CTNNA2: variants seen among roughly 807,000 people sequenced by gnomAD.
The protein encoded by CTNNA2 is catenin alpha-2.
A neutral mutation model predicts 101.0 loss-of-function variants in CTNNA2; 42 were observed. That is an observed-to-expected ratio of 0.42 (90% CI 0.32 to 0.54). CTNNA2 has a LOEUF of 0.54. Among genes scored for constraint, CTNNA2 ranks in the 20% least tolerant of loss-of-function variants. CTNNA2 has a pLI of 0.14. For synonymous variants in CTNNA2, 450 were observed against 456.4 expected (o/e 0.99, Z 0.18); for missense variants, 871 against 1,223.1 (o/e 0.71, Z 4.29).
At chr2:79,835,666 G>GTTTTTTGTTTTTTTTT (rs1679276639) in intron 3 of CTNNA2, among the ~76,000 whole-genome samples, 8 of 58,634 alleles carry the variant, frequency 1.4e-4, no homozygotes, top group African/African-American at 5.8e-4. Flanking sequence ...GCCTCTCTTT[G>GTTTTTTGTTTTTTTTT]TTTTTTTTTT....
rs1692786892 is a variant in CTNNA2 at position 80,553,763 on chromosome 2, A to G, written c.1541-1930A>G. ...CATTTTAATTGTCTTAAGAAATTCTACAGGACAGAAAGAGAAGCTTCTTTT... is the reference window on the plus strand; with the variant it reads ...CATTTTAATTGTCTTAAGAAATTCTGCAGGACAGAAAGAGAAGCTTCTTTT... On this transcript the variant is annotated intron_variant, in intron 11 of 18. Transcript: ENST00000402739. Among the ~76,000 whole-genome samples, 3 of 152,294 alleles carry G rather than the reference A, an allele frequency of 2.0e-5. No homozygotes were observed. In the South Asian group the frequency reaches 6.2e-4, roughly 32 times the overall value.
chr2:80,081,429 A>C (rs17018594), intron 7 of CTNNA2, among the ~76,000 whole-genome samples: 1 of 151,906 alleles, frequency 6.6e-6, no homozygotes, highest in East Asian at 1.9e-4. Context: ...AATAAGTGGC[A>C]ATCTATAAAC....
At chr2:80,625,087 A>G (rs1328550272) in intron 18 of CTNNA2, among the ~76,000 whole-genome samples, 2 of 151,996 alleles carry the variant, frequency 1.3e-5, no homozygotes, top group Non-Finnish European at 2.9e-5. Context: ...ATTGTTACAG[A>G]TCTGAAGAAT....
intron 9 of CTNNA2, among the ~76,000 whole-genome samples, chr2:80,451,863 T>C (rs2149457608): frequency 6.6e-6 from 1 of 152,134 alleles, no homozygotes; most frequent in African/African-American, 2.4e-5. Context: ...CAACATTTAT[T>C]TTTTATCGGA....
intron 7 of CTNNA2, among the ~76,000 whole-genome samples, chr2:80,177,699 G>A (rs191013662): frequency 2.6e-5 from 4 of 152,246 alleles, no homozygotes; most frequent in East Asian, 1.9e-4. Context: ...TGGTGAACAC[G>A]CACATGAGAT....
At chr2:79,193,443 G>A (rs1673901291) in intron 1 of CTNNA2, among the ~76,000 whole-genome samples, 1 of 152,112 alleles carries the variant, frequency 6.6e-6, no homozygotes, top group Non-Finnish European at 1.5e-5. Context: ...ATACTATACA[G>A]GTACGTACCC....
intron 1 of CTNNA2, among the ~76,000 whole-genome samples, chr2:79,571,566 C>T (rs1441197942): frequency 6.6e-6 from 1 of 152,054 alleles, no homozygotes; most frequent in Non-Finnish European, 1.5e-5. Context: ...CCTAACTGAT[C>T]TTTCTTCTCC....
intron 4 of CTNNA2, among the ~76,000 whole-genome samples, chr2:79,500,105 C>G (rs1311487691): frequency 6.6e-6 from 1 of 152,182 alleles, no homozygotes; most frequent in East Asian, 1.9e-4. Flanking sequence ...AAATATCTTT[C>G]ATGTTGACAC....
chr2:79,972,968 A>G (rs1057379383), intron 7 of CTNNA2, among the ~76,000 whole-genome samples: 2 of 152,208 alleles, frequency 1.3e-5, no homozygotes, highest in Admixed American at 6.5e-5. Context: ...TGTCAAAACC[A>G]TATGAACTCA....
chr2:79,645,575 C>T (rs1431296943), intron 1 of CTNNA2, among the ~76,000 whole-genome samples: 3 of 152,162 alleles, frequency 2.0e-5, no homozygotes, highest in Non-Finnish European at 1.5e-5. Context: ...TTCACCTTAT[C>T]TCATCTCTCT....
intron 8 of CTNNA2, among the ~76,000 whole-genome samples, chr2:80,394,349 C>A (rs1677803977): frequency 1.3e-5 from 2 of 152,160 alleles, no homozygotes; most frequent in Non-Finnish European, 2.9e-5. Flanking sequence ...CAAGACATCA[C>A]CTGAAGGTGT....
intron 3 of CTNNA2, among the ~76,000 whole-genome samples, chr2:79,834,508 G>T: frequency 6.6e-6 from 1 of 151,954 alleles, no homozygotes; most frequent in Non-Finnish European, 1.5e-5. Flanking sequence ...TTCTTCAGTT[G>T]GTATGCTTTT....
At chr2:80,035,005 G>C (rs114597965) in intron 7 of CTNNA2, among the ~76,000 whole-genome samples, 1 of 152,140 alleles carries the variant, frequency 6.6e-6, no homozygotes, top group African/African-American at 2.4e-5. Context: ...TTTAAAAATA[G>C]CAAAAGGTTA....
chr2:79,187,137 C>G (rs1025804165), intron 1 of CTNNA2, among the ~76,000 whole-genome samples: 1 of 151,982 alleles, frequency 6.6e-6, no homozygotes. Context: ...GAAATATCCA[C>G]ATTTGTGTCT....
intron 2 of CTNNA2, among the ~76,000 whole-genome samples, chr2:79,278,885 G>A (rs1675287726): frequency 6.6e-6 from 1 of 152,106 alleles, no homozygotes; most frequent in South Asian, 2.1e-4. Context: ...GTATGGCATA[G>A]AGAATGTATC....
chr2:79,937,545 C>T (rs538891798), intron 7 of CTNNA2, among the ~76,000 whole-genome samples: 1 of 152,264 alleles, frequency 6.6e-6, no homozygotes, highest in African/African-American at 2.4e-5. Context: ...TCTGTATTTA[C>T]AAGGCTAATG....
chr2:79,670,863 C>T (rs1486148676), intron 2 of CTNNA2, among the ~76,000 whole-genome samples: 1 of 152,080 alleles, frequency 6.6e-6, no homozygotes, highest in Non-Finnish European at 1.5e-5. Flanking sequence ...TTTGGTTTAC[C>T]GCCTTGCTTT....
At chr2:79,227,715 C>T (rs1674438074) in intron 2 of CTNNA2, among the ~76,000 whole-genome samples, 1 of 152,112 alleles carries the variant, frequency 6.6e-6, no homozygotes, top group South Asian at 2.1e-4. Flanking sequence ...GCTAAAAATG[C>T]TAATGATCAT....
At chr2:80,463,023 C>T (rs1017082812) in intron 9 of CTNNA2, among the ~76,000 whole-genome samples, 4 of 152,114 alleles carry the variant, frequency 2.6e-5, no homozygotes, top group African/African-American at 9.7e-5. Context: ...GTTTCCAACC[C>T]TCTCAGCCTT....
Sources: gnomAD v4.1 joint callset for allele counts (sites outside exome capture counted in the v4.1 genomes callset) on GRCh38, gnomAD v4.1.1 for gene constraint, MANE v1.5 for transcripts, NCBI Gene and HGNC (gene_info 2026-07-23, HGNC 2026-07-21) for gene names.